The following ACVR1 variants were observed in gnomAD, a reference collection of about 807,000 sequenced individuals.
The protein encoded by ACVR1 is activin receptor type-1.
ACVR1 carries 38 observed loss-of-function variants against 57.1 expected under a neutral mutation model. The ratio of observed to expected loss-of-function variants is 0.67; its 90% confidence interval spans 0.51 to 0.87. ACVR1 has a LOEUF of 0.87. ACVR1 is among the 40% of genes least tolerant of loss of function. The pLI, the probability that ACVR1 is intolerant of heterozygous loss-of-function variation, is 0.00. For synonymous variants in ACVR1, 212 were observed against 228.1 expected (o/e 0.93, Z 0.63); for missense variants, 463 against 638.2 (o/e 0.73, Z 2.96).
chr2:157,744,136 C>T (rs75136166), intron 9 of ACVR1, among the ~76,000 whole-genome samples: 2,577 of 152,290 alleles, frequency 0.017, 65 homozygotes, highest in African/African-American at 0.056. Flanking sequence ...CTTCTCATTA[C>T]AAACTCTCTT....
intron 1 of ACVR1, among the ~76,000 whole-genome samples, chr2:157,835,114 T>C (rs914421286): frequency 6.6e-6 from 1 of 152,158 alleles, no homozygotes; most frequent in Non-Finnish European, 1.5e-5. Context: ...CTAAAACCTT[T>C]AGTAAGGGTC....
intron 3 of ACVR1, among the ~76,000 whole-genome samples, chr2:157,788,260 G>A (rs905194787): frequency 1.4e-4 from 22 of 151,992 alleles, no homozygotes; most frequent in Admixed American, 3.9e-4. Flanking sequence ...CCACTATTTC[G>A]GTTACCTACC....
At position 157,737,601 on chromosome 2, in the gene ACVR1, G is replaced by A; in HGVS notation, c.1460C>T (p.Thr487Ile). The part of the protein sequence containing the change: ...CWYQNPSARL[T>I]ALRIKKTLTK... ...CAAAGTCTTTTTGATACGCAGTGCT[G>A]TGAGTCTTGCGGATGGATTTTGATA... Residue 487 changes from threonine (T) to isoleucine (I), a missense_variant, in exon 11 of 11, where the codon ACA becomes ATA. Thr to Ile is a moderately conservative substitution (Grantham distance 89). Around this residue, in one of 3 missense-constraint regions of ACVR1, gnomAD observed 146 missense variants for 186.6 expected, o/e 0.78. Transcript: ENST00000434821. 1 of 1,614,056 alleles carries A rather than the reference G, an allele frequency of 6.2e-7. No individual in the cohort carries two copies. Among genetic ancestry groups the A allele is most frequent in the Non-Finnish European group, 8.5e-7 (1 of 1,179,920 alleles).
At chr2:157,780,624 GAAAAA>G in intron 3 of ACVR1, 24 bp from the exon 4 acceptor site, 1 of 1,229,462 alleles carries the variant, frequency 8.1e-7, no homozygotes, top group Non-Finnish European at 1.1e-6. Context: ...AAAGGAAGGG[GAAAAA>G]AAAAAAAAAG....
intron 9 of ACVR1, among the ~76,000 whole-genome samples, chr2:157,757,115 A>G (rs147050995): frequency 8.7e-5 from 13 of 149,828 alleles, no homozygotes; most frequent in African/African-American, 3.2e-4. Context: ...GGAAATTTAA[A>G]AATGCAATCC....
At chr2:157,793,508 A>G (rs1206848938) in intron 3 of ACVR1, among the ~76,000 whole-genome samples, 2 of 152,218 alleles carry the variant, frequency 1.3e-5, no homozygotes, top group African/African-American at 4.8e-5. Flanking sequence ...AAAACTTGAT[A>G]ATAAAGAAGC....
At position 157,783,841 on chromosome 2, in the gene ACVR1, A is replaced by T. The variant is rs555292493; in HGVS notation, c.68-3241T>A. On this transcript the variant is annotated intron_variant, in intron 3 of 10. Transcript: ENST00000434821. ...TAACTAATTAGCAAAGTCCTTCATC[A>T]TGTATTTATTTTTTATATATACCCA... Among the ~76,000 whole-genome samples the T allele has an allele frequency of 6.6e-5, 10 of 152,282 alleles. No homozygotes were observed. The South Asian group carries it at 2.1e-3, about 32-fold the overall frequency.
chr2:157,789,443 C>T (rs142750725), intron 3 of ACVR1, among the ~76,000 whole-genome samples: 224 of 152,326 alleles, frequency 1.5e-3, no homozygotes, highest in Admixed American at 4.6e-3. Context: ...CAAGAGTTTC[C>T]GCAGATTCCC....
intron 7 of ACVR1, among the ~76,000 whole-genome samples, chr2:157,768,293 G>C (rs990096190): frequency 2.0e-5 from 3 of 151,878 alleles, no homozygotes; most frequent in Non-Finnish European, 4.4e-5. Flanking sequence ...ATGTGTTCTT[G>C]GACATTAGTT....
chr2:157,818,070 G>C (rs1441699495), intron 2 of ACVR1, among the ~76,000 whole-genome samples: 1 of 151,918 alleles, frequency 6.6e-6, no homozygotes, highest in Non-Finnish European at 1.5e-5. Flanking sequence ...AGGATGGCAG[G>C]GGCATTTTAT....
At chr2:157,744,175 C>T (rs1420066411) in intron 9 of ACVR1, among the ~76,000 whole-genome samples, 1 of 152,154 alleles carries the variant, frequency 6.6e-6, no homozygotes, top group East Asian at 1.9e-4. Flanking sequence ...GTAGTCACAT[C>T]AGATATCCAG....
At position 157,848,266 on chromosome 2, in the gene ACVR1, C is replaced by T. The variant is rs1438534417; in HGVS notation, c.-183+27530G>A. Reference sequence around the variant, plus strand: ...GGTGGAAGTGACACTGTAACAGCTTCCAGAACCAGATCTTAAGAAACTGGA... The same window carrying T: ...GGTGGAAGTGACACTGTAACAGCTTTCAGAACCAGATCTTAAGAAACTGGA... On this transcript the variant is annotated intron_variant, in intron 1 of 10. Transcript: ENST00000434821. 6.6e-5 allele frequency among the ~76,000 whole-genome samples: 10 copies of T among 152,290 alleles called. No homozygotes were observed. The East Asian group carries it at 9.6e-4, about 15-fold the overall frequency.
At chr2:157,858,881 A>G (rs1239429977) in intron 1 of ACVR1, among the ~76,000 whole-genome samples, 1 of 152,048 alleles carries the variant, frequency 6.6e-6, no homozygotes. Flanking sequence ...GGCCTCCCTA[A>G]GTGCTAGAAT....
intron 5 of ACVR1, among the ~76,000 whole-genome samples, chr2:157,776,821 C>T (rs1169981379): frequency 6.6e-6 from 1 of 152,224 alleles, no homozygotes; most frequent in Non-Finnish European, 1.5e-5. Flanking sequence ...CTATCAGACA[C>T]TTTGAAGCTT....
chr2:157,802,057 G>A (rs1183938451), intron 2 of ACVR1, among the ~76,000 whole-genome samples: 1 of 152,180 alleles, frequency 6.6e-6, no homozygotes, highest in African/African-American at 2.4e-5. Context: ...GAGTTGGGAA[G>A]AAACATAGTT....
At chr2:157,837,823 G>A (rs1305906479) in intron 1 of ACVR1, among the ~76,000 whole-genome samples, 1 of 152,088 alleles carries the variant, frequency 6.6e-6, no homozygotes, top group Non-Finnish European at 1.5e-5. Flanking sequence ...GAGGAGAGGA[G>A]GAGGTAGAGA....
chr2:157,749,301 G>A lies in ACVR1; in HGVS notation c.1265-10731C>T, dbSNP rs566097515. On this transcript the variant is annotated intron_variant, in intron 9 of 10. Transcript: ENST00000434821. ...GGCAAGGGTGAGAGCGCACTGTGGG[G>A]GACATAGGTTAAAAATGATTGACAA... Among the ~76,000 whole-genome samples, 4 of 152,274 alleles carry A rather than the reference G, an allele frequency of 2.6e-5. No individual in the cohort carries two copies. The South Asian group carries it at 8.3e-4, about 32-fold the overall frequency.
At chr2:157,745,314 G>C (rs1325774468) in intron 9 of ACVR1, among the ~76,000 whole-genome samples, 1 of 152,216 alleles carries the variant, frequency 6.6e-6, no homozygotes, top group Non-Finnish European at 1.5e-5. Flanking sequence ...TCGAGAAAGA[G>C]AGGAGCACCA....
chr2:157,873,497 C>T (rs1357811107), intron 1 of ACVR1, among the ~76,000 whole-genome samples: 2 of 152,160 alleles, frequency 1.3e-5, no homozygotes. Flanking sequence ...GGCATGAGAT[C>T]GCTTCACATA....
Sources: allele counts gnomAD v4.1 joint callset (sites outside exome capture counted in the v4.1 genomes callset), GRCh38; gene constraint gnomAD v4.1.1; regional missense constraint gnomAD v4.1.1; transcripts MANE v1.5; gene names NCBI Gene and HGNC (gene_info 2026-07-23, HGNC 2026-07-21).